Variants in ANKRD55 observed in about 807,000 individuals in gnomAD.
The protein encoded by ANKRD55 is ankyrin repeat domain 55, also known as ankyrin repeat domain-containing protein 55.
In ANKRD55, 41 loss-of-function variants were observed where a neutral mutation model predicts 60.6. That is an observed-to-expected ratio of 0.68 (90% CI 0.53 to 0.88). The LOEUF (loss-of-function observed/expected upper bound fraction) is 0.88. ANKRD55 is among the 40% of genes least tolerant of loss of function. The pLI, the probability that ANKRD55 is intolerant of heterozygous loss-of-function variation, is 0.00. For synonymous variants in ANKRD55, 264 were observed against 290.3 expected (o/e 0.91, Z 0.92); for missense variants, 732 against 767.6 (o/e 0.95, Z 0.55).
chr5:56,206,104 T>C (rs1189388652), intron 2 of ANKRD55, among the ~76,000 whole-genome samples: 1 of 151,584 alleles, frequency 6.6e-6, no homozygotes, highest in Non-Finnish European at 1.5e-5. Context: ...GCCTCCCGAG[T>C]AGCTGGGACT....
intron 2 of ANKRD55, among the ~76,000 whole-genome samples, chr5:56,222,131 C>A (rs1444994009): frequency 6.6e-6 from 1 of 152,084 alleles, no homozygotes; most frequent in Non-Finnish European, 1.5e-5. Context: ...TAGCCAGGTG[C>A]CTCTCTGAGA....
At chr5:56,181,386 C>T (rs1044646919) in intron 3 of ANKRD55, among the ~76,000 whole-genome samples, 1 of 151,966 alleles carries the variant, frequency 6.6e-6, no homozygotes, top group Non-Finnish European at 1.5e-5. Flanking sequence ...AAGAAGCTCT[C>T]GTCTATTCCT....
intron 11 of ANKRD55, among the ~76,000 whole-genome samples, chr5:56,101,931 T>C (rs542291061): frequency 4.5e-4 from 68 of 152,180 alleles, no homozygotes; most frequent in Non-Finnish European, 8.5e-4. Flanking sequence ...AAATAATACA[T>C]GTAAAAATAA....
At chr5:56,215,289 C>T (rs1041217338) in intron 2 of ANKRD55, among the ~76,000 whole-genome samples, 21 of 152,186 alleles carry the variant, frequency 1.4e-4, no homozygotes, top group East Asian at 1.9e-4. Context: ...TCAGTTCCTC[C>T]GGTTATATTT....
intron 7 of ANKRD55, chr5:56,137,322 C>A: frequency 6.5e-7 from 1 of 1,542,702 alleles, no homozygotes; most frequent in Non-Finnish European, 8.9e-7. Flanking sequence ...GGTCATTGAG[C>A]ATATCCATGG....
rs1321068325 is a variant in ANKRD55 at position 56,116,638 on chromosome 5, G to A, written c.942C>T (p.Val314=). The A allele has an allele frequency of 3.7e-6, 6 of 1,602,324 alleles. No homozygotes were observed. The highest frequency in any genetic ancestry group is 5.1e-6 in the Non-Finnish European group (6 of 1,174,984). Residue 314 remains valine, a synonymous_variant, in exon 9 of 12, where the codon GTC becomes GTT. Transcript: ENST00000341048. ...YALYCGHTAC[V]KLLSQESRTE... ...ACCTGCTCTCTTGGGAGAGGAGTTT[G>A]ACACACGCCGTGTGACCGCAGTACA...
At chr5:56,161,807 C>T (rs1299858532) in intron 5 of ANKRD55, among the ~76,000 whole-genome samples, 1 of 152,234 alleles carries the variant, frequency 6.6e-6, no homozygotes, top group African/African-American at 2.4e-5. Context: ...GGGACAATGG[C>T]TATGACTGCA....
At chr5:56,142,321 G>A (rs1461825758) in intron 7 of ANKRD55, among the ~76,000 whole-genome samples, 2 of 152,106 alleles carry the variant, frequency 1.3e-5, no homozygotes. Flanking sequence ...GCTACAGAGT[G>A]AGACTCCATT....
chr5:56,208,898 A>T (rs1759585175), intron 2 of ANKRD55, among the ~76,000 whole-genome samples: 1 of 152,046 alleles, frequency 6.6e-6, no homozygotes, highest in Non-Finnish European at 1.5e-5. Context: ...TATTTGTAGT[A>T]CATTGTTGAC....
intron 8 of ANKRD55, among the ~76,000 whole-genome samples, chr5:56,123,162 C>A (rs1451235314): frequency 6.6e-6 from 1 of 151,388 alleles, no homozygotes; most frequent in East Asian, 1.9e-4. Flanking sequence ...CATGGAAGAC[C>A]TCTCCTCAGC....
intron 2 of ANKRD55, among the ~76,000 whole-genome samples, chr5:56,209,929 A>T (rs1759619753): frequency 6.6e-6 from 1 of 152,158 alleles, no homozygotes; most frequent in Non-Finnish European, 1.5e-5. Flanking sequence ...CCCCATTATC[A>T]GTGATAGTGT....
chr5:56,185,103 A>G (rs1344485699), intron 2 of ANKRD55, among the ~76,000 whole-genome samples: 3 of 151,968 alleles, frequency 2.0e-5, no homozygotes, highest in East Asian at 3.9e-4. Context: ...TGTGCCTGTA[A>G]TCCCAGCTAC....
At chr5:56,231,479 T>G (rs1760250377) in intron 2 of ANKRD55, among the ~76,000 whole-genome samples, 1 of 152,184 alleles carries the variant, frequency 6.6e-6, no homozygotes, top group South Asian at 2.1e-4. Context: ...GCAACATCAT[T>G]TTTCAGCCAG....
At chr5:56,218,074 AT>A (rs957448213) in intron 2 of ANKRD55, among the ~76,000 whole-genome samples, 1 of 152,186 alleles carries the variant, frequency 6.6e-6, no homozygotes, top group Non-Finnish European at 1.5e-5. Context: ...ATATGATTAA[AT>A]TGCTGCAATC....
chr5:56,124,506 G>GT (rs1005869317), intron 8 of ANKRD55, among the ~76,000 whole-genome samples: 9 of 151,792 alleles, frequency 5.9e-5, no homozygotes, highest in Non-Finnish European at 8.8e-5. Context: ...ATTTATTTTT[G>GT]TTTTTTTTAA....
Position 56,111,772 on chromosome 5 carries a change from TA to T in ANKRD55, c.975del (p.Thr326LeufsTer122). On this transcript the variant is annotated frameshift_variant, in exon 10 of 12. Transcript: ENST00000341048. LOFTEE classifies it high-confidence loss of function. ...KLLSQESRTEPTRPPPSQSSR... is the reference protein window; with the variant it reads ...KLLSQESRTEXTRPPPSQSSR... Reference sequence around the variant, plus strand: ...CTGCTCTGGGAGGGAGGGGGTCGAGTAGGCTCTGTTCTATGCGAATATAAAA... The same window carrying T: ...CTGCTCTGGGAGGGAGGGGGTCGAGTGGCTCTGTTCTATGCGAATATAAAA... The T allele has an allele frequency of 6.6e-7, 1 of 1,512,212 alleles. No individual in the cohort carries two copies. The highest frequency in any genetic ancestry group is 1.4e-5 in the African/African-American group (1 of 71,646). 93.7% of individuals were successfully genotyped at this position (1,512,212 alleles called of 1,614,324 possible).
intron 2 of ANKRD55, among the ~76,000 whole-genome samples, chr5:56,220,059 C>T (rs1324936846): frequency 6.6e-6 from 1 of 152,210 alleles, no homozygotes; most frequent in Non-Finnish European, 1.5e-5. Flanking sequence ...GGAGAGCCTC[C>T]TGAAGCTGAT....
At chr5:56,119,317 CAAAT>C (rs780585845) in intron 8 of ANKRD55, among the ~76,000 whole-genome samples, 3 of 152,112 alleles carry the variant, frequency 2.0e-5, no homozygotes, top group Non-Finnish European at 4.4e-5. Flanking sequence ...TGAAATAAAT[CAAAT>C]AAATCAGTCT....
intron 2 of ANKRD55, among the ~76,000 whole-genome samples, chr5:56,212,084 ACACACG>A (rs762070773): frequency 0.1 from 10,294 of 99,936 alleles, 931 homozygotes; most frequent in African/African-American, 0.26. Context: ...ACACACACAC[ACACACG>A]CGTACCTATA....
Sources: allele counts gnomAD v4.1 joint callset (sites outside exome capture counted in the v4.1 genomes callset), GRCh38; gene constraint gnomAD v4.1.1; transcripts MANE v1.5; gene names NCBI Gene and HGNC (gene_info 2026-07-23, HGNC 2026-07-21).